DPP10: variants seen among roughly 807,000 people sequenced by gnomAD.
The protein encoded by DPP10 is dipeptidyl peptidase like 10.
DPP10 carries 33 observed loss-of-function variants against 120.9 expected under a neutral mutation model. The ratio of observed to expected loss-of-function variants is 0.27; its 90% confidence interval spans 0.21 to 0.37. DPP10 has a LOEUF of 0.37. Ranked by LOEUF, DPP10 falls within the 10% of genes least tolerant of loss-of-function variation. The probability of loss-of-function intolerance (pLI) is 1.00; values close to 1 mark genes in which losing one functional copy is unlikely to be tolerated. For synonymous variants in DPP10, 337 were observed against 326.1 expected (o/e 1.03, Z -0.36); for missense variants, 816 against 942.8 (o/e 0.87, Z 1.76).
At chr2:115,661,934 T>C (rs554457372) in intron 5 of DPP10, among the ~76,000 whole-genome samples, 45 of 152,330 alleles carry the variant, frequency 3.0e-4, no homozygotes, top group African/African-American at 1.1e-3. Context: ...GTATCAACTA[T>C]AGTCATAGTG....
chr2:115,499,437 C>A, intron 3 of DPP10, 73 bp from the exon 4 acceptor site: 1 of 1,223,810 alleles, frequency 8.2e-7, no homozygotes, highest in Non-Finnish European at 1.2e-6. Context: ...TTATTTTGCA[C>A]GTTTTCTCCC....
chr2:115,502,065 A>G (rs2076709733), intron 4 of DPP10, among the ~76,000 whole-genome samples: 1 of 152,128 alleles, frequency 6.6e-6, no homozygotes, highest in African/African-American at 2.4e-5. Flanking sequence ...ATAGTAAGAC[A>G]TATTATGCTA....
chr2:114,951,374 G>T (rs199995887), intron 1 of DPP10, among the ~76,000 whole-genome samples: 1 of 152,094 alleles, frequency 6.6e-6, no homozygotes, highest in Non-Finnish European at 1.5e-5. Flanking sequence ...AGAACTGAGC[G>T]ACAAAAAGAC....
chr2:114,497,166 C>CGTGTATACATGTGTACGTGTATACAT, intron 1 of DPP10, among the ~76,000 whole-genome samples: 1 of 147,934 alleles, frequency 6.8e-6, no homozygotes, highest in South Asian at 2.1e-4. Context: ...TAGGTGTACA[C>CGTGTATACATGTGTACGTGTATACAT]GTGTATACAT....
At chr2:115,020,165 A>G (rs1702969124) in intron 1 of DPP10, among the ~76,000 whole-genome samples, 2 of 152,206 alleles carry the variant, frequency 1.3e-5, no homozygotes, top group South Asian at 2.1e-4. Flanking sequence ...ACATCTCAAT[A>G]CTAGCATTGA....
chr2:115,414,200 G>T (rs1295048215), intron 3 of DPP10, among the ~76,000 whole-genome samples: 1 of 152,132 alleles, frequency 6.6e-6, no homozygotes, highest in African/African-American at 2.4e-5. Context: ...AACTTAAACA[G>T]GCTTTAGAAA....
chr2:114,891,085 A>G (rs1692504754), intron 1 of DPP10, among the ~76,000 whole-genome samples: 2 of 152,068 alleles, frequency 1.3e-5, no homozygotes, highest in South Asian at 4.2e-4. Context: ...TTTTTTGGTA[A>G]AAGAGACTGA....
intron 1 of DPP10, among the ~76,000 whole-genome samples, chr2:114,774,665 G>GTATA (rs34871165): frequency 2.1e-3 from 299 of 145,230 alleles, no homozygotes; most frequent in Middle Eastern, 0.014. Context: ...CAATAATGAT[G>GTATA]TATATATATA....
intron 5 of DPP10, among the ~76,000 whole-genome samples, chr2:115,585,650 C>T (rs2149145192): frequency 6.6e-6 from 1 of 152,228 alleles, no homozygotes; most frequent in East Asian, 1.9e-4. Context: ...GTTATGTGAG[C>T]TTTTCTATAA....
intron 1 of DPP10, among the ~76,000 whole-genome samples, chr2:115,074,499 G>T (rs149743325): frequency 6.6e-6 from 1 of 152,086 alleles, no homozygotes; most frequent in Non-Finnish European, 1.5e-5. Context: ...AAATGCAATC[G>T]CAAGGTCCTA....
intron 1 of DPP10, among the ~76,000 whole-genome samples, chr2:114,881,451 C>CTGTG (rs1558838555): frequency 1.0e-5 from 1 of 97,490 alleles, no homozygotes; most frequent in Non-Finnish European, 2.1e-5. Flanking sequence ...ATCTGTCTGT[C>CTGTG]TGTCTGTCTA....
intron 5 of DPP10, among the ~76,000 whole-genome samples, chr2:115,560,345 T>C (rs2080492651): frequency 9.9e-6 from 1 of 101,136 alleles, no homozygotes; most frequent in Admixed American, 1.4e-4. Context: ...CACTCCAGCC[T>C]GGGCGACAGA....
chr2:115,465,894 G>C (rs1291759135), intron 3 of DPP10, among the ~76,000 whole-genome samples: 2 of 152,094 alleles, frequency 1.3e-5, no homozygotes, highest in Non-Finnish European at 2.9e-5. Flanking sequence ...TAAATCTACA[G>C]TTTAGAGTTT....
At chr2:115,639,102 C>T (rs1004534700) in intron 5 of DPP10, among the ~76,000 whole-genome samples, 6 of 152,126 alleles carry the variant, frequency 3.9e-5, no homozygotes, top group African/African-American at 1.4e-4. Flanking sequence ...TCAGCAGGGC[C>T]AGCTACTGAA....
intron 1 of DPP10, among the ~76,000 whole-genome samples, chr2:114,739,417 G>C (rs562195082): frequency 1.4e-3 from 214 of 152,264 alleles, no homozygotes; most frequent in African/African-American, 5.0e-3. Context: ...CCAGCACTGT[G>C]GGAGGCCAAG....
chr2:115,584,113 G>C (rs996594119), intron 5 of DPP10, among the ~76,000 whole-genome samples: 7 of 152,120 alleles, frequency 4.6e-5, no homozygotes, highest in Admixed American at 2.6e-4. Context: ...CTGCAATTCT[G>C]TATCATGTTG....
chr2:115,064,897 C>T lies in DPP10; in HGVS notation c.61-244342C>T, dbSNP rs922402732. The T allele has an allele frequency of 5.1e-5, 62 of 1,223,334 alleles. No individual in the cohort carries two copies. In the South Asian group the frequency reaches 8.2e-4, roughly 16 times the overall value. 75.8% of individuals were successfully genotyped at this position (1,223,334 alleles called of 1,614,324 possible). ...ATTTTATTCTCTTGTACTGAATTGT[C>T]TTTTCCTATTTTTCTTTTTTGTTTT... On this transcript the variant is annotated intron_variant, in intron 1 of 25. Transcript: ENST00000410059.
chr2:115,811,545 ATATCT>A (rs1334058964), intron 19 of DPP10, among the ~76,000 whole-genome samples: 2 of 152,220 alleles, frequency 1.3e-5, no homozygotes, highest in Non-Finnish European at 2.9e-5. Flanking sequence ...TTAACTAAAC[ATATCT>A]TAGCTGGGAA....
intron 10 of DPP10, among the ~76,000 whole-genome samples, chr2:115,750,852 AT>A (rs1678612519): frequency 6.6e-6 from 1 of 152,162 alleles, no homozygotes; most frequent in Non-Finnish European, 1.5e-5. Context: ...TTCTTGTAGC[AT>A]TTCATTTGAG....
Sources: allele counts gnomAD v4.1 joint callset (sites outside exome capture counted in the v4.1 genomes callset), GRCh38; gene constraint gnomAD v4.1.1; transcripts MANE v1.5; gene names NCBI Gene and HGNC (gene_info 2026-07-23, HGNC 2026-07-21).